The following ZMYM2 variants were observed in gnomAD, a reference collection of about 807,000 sequenced individuals.
ZMYM2 encodes zinc finger MYM-type containing 2.
A neutral mutation model predicts 162.8 loss-of-function variants in ZMYM2; 56 were observed. That is an observed-to-expected ratio of 0.34 (90% CI 0.28 to 0.43). The LOEUF (loss-of-function observed/expected upper bound fraction) is 0.43. Among genes scored for constraint, ZMYM2 ranks in the 20% least tolerant of loss-of-function variants. The pLI, the probability that ZMYM2 is intolerant of heterozygous loss-of-function variation, is 1.00. For missense variants in ZMYM2, 1,275 were observed against 1,621.8 expected (o/e 0.79, Z 3.67); for synonymous variants, 510 against 541.6 (o/e 0.94, Z 0.81).
At chr13:19,916,026 A>T in the ZMYM2 span, among the ~76,000 whole-genome samples, 3 of 151,238 alleles carry the variant, frequency 2.0e-5, no homozygotes, top group Non-Finnish European at 2.9e-5. Flanking sequence ...CACCCGGCTA[A>T]TTTTTTCTAT....
the ZMYM2 span, among the ~76,000 whole-genome samples, chr13:19,944,872 T>G: frequency 0.027 from 4,045 of 152,270 alleles, 79 homozygotes; most frequent in Non-Finnish European, 0.038. Flanking sequence ...GGTTTTGCTA[T>G]ATTGGCCAGG....
Position 20,087,140 on chromosome 13 carries a change from G to T in ZMYM2, c.*1126G>T, listed in dbSNP as rs1359645650. The T allele has an allele frequency of 1.1e-5, 2 of 186,526 alleles. No homozygotes were observed. Among genetic ancestry groups the T allele is most frequent in the African/African-American group, 4.7e-5 (2 of 42,714 alleles). The allele number at this position is 186,526 out of a possible 1,614,324, so 11.6% of individuals were successfully genotyped here. On this transcript the variant is annotated 3_prime_UTR_variant, in exon 25 of 25. Transcript: ENST00000610343. ...ACATTTTATAATGAAGATTACCAGT[G>T]TAGTAATTCTGATATTGCAAATGAT...
the ZMYM2 span, among the ~76,000 whole-genome samples, chr13:19,938,587 A>G: frequency 6.6e-6 from 1 of 151,544 alleles, no homozygotes; most frequent in African/African-American, 2.4e-5. Context: ...AAAATTATGG[A>G]GGGGGCCATT....
chr13:19,989,812 G>C (rs1307298885), intron 2 of ZMYM2, among the ~76,000 whole-genome samples: 1 of 152,152 alleles, frequency 6.6e-6, no homozygotes, highest in African/African-American at 2.4e-5. Flanking sequence ...CCTTTGCTAA[G>C]CATCCTTCTA....
At chr13:19,895,729 A>G in the ZMYM2 span, among the ~76,000 whole-genome samples, 1 of 151,862 alleles carries the variant, frequency 6.6e-6, no homozygotes, top group East Asian at 1.9e-4. Flanking sequence ...TAGGGATTAA[A>G]TTTCAACCTG....
At chr13:19,999,277 T>C (rs1373384793) in intron 3 of ZMYM2, among the ~76,000 whole-genome samples, 2 of 152,172 alleles carry the variant, frequency 1.3e-5, no homozygotes, top group East Asian at 1.9e-4. Context: ...TGTGGCAACA[T>C]TGAGCCGAGT....
intron 6 of ZMYM2, 64 bp from the exon 7 acceptor site, chr13:20,019,483 T>G: frequency 7.3e-7 from 1 of 1,368,618 alleles, no homozygotes; most frequent in Non-Finnish European, 9.9e-7. Context: ...AATGCTTATT[T>G]ACCTTTCAAT....
intron 16 of ZMYM2, 50 bp downstream of exon 16, chr13:20,059,612 T>TTTTCCCAACTGTGTC: frequency 1.2e-6 from 1 of 863,252 alleles, no homozygotes; most frequent in Non-Finnish European, 2.0e-6. Context: ...GCAGACACAG[T>TTTTCCCAACTGTGTC]TGGGAAAACA....
In ZMYM2 at chr13:20,086,399, A is replaced by G. The variant is rs1168714249; in HGVS notation, c.*385A>G. The stretch of plus-strand genomic sequence containing the variant: ...AGGGGGCTCTTTTACTGGGTTCTTA[A>G]CCAGATGGTTGTGTATGGGTAGCAC... On this transcript the variant is annotated 3_prime_UTR_variant, in exon 25 of 25. Coordinates refer to ENST00000610343, the MANE Select transcript of ZMYM2 (RefSeq NM_197968.4). 1 of 229,140 alleles carries G rather than the reference A, an allele frequency of 4.4e-6. No individual in the cohort carries two copies. The highest frequency in any genetic ancestry group is 8.6e-6 in the Non-Finnish European group (1 of 115,608). 14.2% of individuals were successfully genotyped at this position (229,140 alleles called of 1,614,324 possible). A position where few individuals can be genotyped will look rare whatever the true frequency, so the allele number is the denominator to read the frequency against.
At chr13:20,017,307 G>A (rs1372848394) in intron 6 of ZMYM2, among the ~76,000 whole-genome samples, 1 of 152,216 alleles carries the variant, frequency 6.6e-6, no homozygotes, top group African/African-American at 2.4e-5. Context: ...TAGGGTCTGT[G>A]GAGTAGAGGA....
intron 3 of ZMYM2, among the ~76,000 whole-genome samples, chr13:19,995,164 G>A (rs1949924854): frequency 6.6e-6 from 1 of 151,886 alleles, no homozygotes; most frequent in South Asian, 2.1e-4. Context: ...TTTATTAAGA[G>A]TTGGCTAAGG....
At chr13:20,040,261 C>A (rs1270034500) in intron 12 of ZMYM2, among the ~76,000 whole-genome samples, 1 of 152,062 alleles carries the variant, frequency 6.6e-6, no homozygotes. Context: ...GATTCAATTT[C>A]GGAGCTCATT....
chr13:19,969,256 T>C (rs922084972), intron 2 of ZMYM2, among the ~76,000 whole-genome samples: 2 of 152,252 alleles, frequency 1.3e-5, no homozygotes, highest in African/African-American at 2.4e-5. Context: ...CAGAAGTCTT[T>C]AGCTGATTGT....
At chr13:19,987,431 T>G (rs1203907857) in intron 2 of ZMYM2, among the ~76,000 whole-genome samples, 1 of 151,832 alleles carries the variant, frequency 6.6e-6, no homozygotes, top group Admixed American at 6.6e-5. Context: ...GCCTGGCTAA[T>G]TTTTTGTATT....
chr13:19,959,365 C>G (rs1954916531), intron 1 of ZMYM2, among the ~76,000 whole-genome samples: 1 of 152,184 alleles, frequency 6.6e-6, no homozygotes, highest in Non-Finnish European at 1.5e-5. Flanking sequence ...GCTGCTGCCT[C>G]TGCTCCGCCG....
intron 7 of ZMYM2, among the ~76,000 whole-genome samples, chr13:20,022,926 A>G (rs1305694155): frequency 6.6e-6 from 1 of 152,188 alleles, no homozygotes; most frequent in Non-Finnish European, 1.5e-5. Flanking sequence ...TACAAAGACA[A>G]CCAATTATAT....
At chr13:19,969,607 G>C (rs1356173746) in intron 2 of ZMYM2, among the ~76,000 whole-genome samples, 2 of 152,174 alleles carry the variant, frequency 1.3e-5, no homozygotes, top group African/African-American at 4.8e-5. Flanking sequence ...GAATAAAAGA[G>C]ATCAGCAAAA....
intron 10 of ZMYM2, among the ~76,000 whole-genome samples, chr13:20,033,460 C>T (rs1351050520): frequency 6.6e-6 from 1 of 152,142 alleles, no homozygotes; most frequent in Non-Finnish European, 1.5e-5. Flanking sequence ...CTATAAATTA[C>T]ATAGTCATAA....
At chr13:19,949,344 G>A in the ZMYM2 span, among the ~76,000 whole-genome samples, 1 of 152,290 alleles carries the variant, frequency 6.6e-6, no homozygotes, top group East Asian at 1.9e-4. Flanking sequence ...GACCTGGGAG[G>A]TGGAGGTTGC....
Sources: gnomAD v4.1 joint callset for allele counts (sites outside exome capture counted in the v4.1 genomes callset) on GRCh38, gnomAD v4.1.1 for gene constraint, MANE v1.5 for transcripts, NCBI Gene and HGNC (gene_info 2026-07-23, HGNC 2026-07-21) for gene names.